The following TMEM45A variants were observed in gnomAD, a reference collection of about 807,000 sequenced individuals.
TMEM45A encodes transmembrane protein 45A, also known as DNA polymerase-transactivated protein 4.
Under a neutral mutation model 32.0 loss-of-function variants are expected in TMEM45A, and 25 were observed. The ratio of observed to expected loss-of-function variants is 0.78; its 90% CI spans 0.57 to 1.09. The LOEUF (loss-of-function observed/expected upper bound fraction) is 1.09. Ranked by LOEUF, TMEM45A falls within the 50% of genes least tolerant of loss-of-function variation. The pLI, the probability that TMEM45A is intolerant of heterozygous loss-of-function variation, is 0.00. For missense variants in TMEM45A, 302 were observed against 325.0 expected (o/e 0.93, Z 0.54); for synonymous variants, 122 against 114.8 (o/e 1.06, Z -0.40).
At position 100,553,288 on chromosome 3, in the gene TMEM45A, C is replaced by T. The variant is rs575645222; in HGVS notation, c.-3-1921C>T. 2.7e-3 allele frequency among the ~76,000 whole-genome samples: 414 copies of T among 152,176 alleles called. 1 individual carries two copies. The highest frequency in any genetic ancestry group is 9.5e-3 in the African/African-American group (396 of 41,520). ...ATAATCCAAATTCAAAGCCCCTTCC[C>T]CTAATTTTTAATCCTATTTTTTTAA... On this transcript the variant is annotated intron_variant, in intron 1 of 5. Coordinates refer to ENST00000323523, the MANE Select transcript of TMEM45A (RefSeq NM_018004.3).
At chr3:100,519,741 GT>G in intron 1 of TMEM45A, 1 of 933,064 alleles carries the variant, frequency 1.1e-6, no homozygotes, top group Non-Finnish European at 1.6e-6. Context: ...CTTATTGTGG[GT>G]TGTGGCTGAT....
chr3:100,571,729 C>T (rs1559655709), intron 5 of TMEM45A: 1 of 152,068 alleles, frequency 6.6e-6, no homozygotes, highest in Non-Finnish European at 1.5e-5. Context: ...AGGTATATCT[C>T]CTAATGCTAT....
intron 1 of TMEM45A, among the ~76,000 whole-genome samples, chr3:100,548,752 A>G (rs1706030301): frequency 6.6e-6 from 1 of 152,190 alleles, no homozygotes. Context: ...GGCTGTGTCT[A>G]TTCTGCAGTG....
At chr3:100,522,544 G>T (rs1195948288) in intron 1 of TMEM45A, among the ~76,000 whole-genome samples, 1 of 152,124 alleles carries the variant, frequency 6.6e-6, no homozygotes, top group Non-Finnish European at 1.5e-5. Context: ...TCTGGTGCTG[G>T]CCTATAGTCT....
intron 1 of TMEM45A, among the ~76,000 whole-genome samples, chr3:100,538,047 G>A (rs562964126): frequency 6.6e-6 from 1 of 152,286 alleles, no homozygotes; most frequent in African/African-American, 2.4e-5. Flanking sequence ...AGGGATTCAA[G>A]ATTGCTATAA....
chr3:100,538,506 C>T (rs1314892588), intron 1 of TMEM45A, among the ~76,000 whole-genome samples: 1 of 152,108 alleles, frequency 6.6e-6, no homozygotes, highest in Non-Finnish European at 1.5e-5. Flanking sequence ...GGGAACAACA[C>T]AAAATGTCCC....
At chr3:100,494,051 C>T (rs886324462) in intron 1 of TMEM45A, among the ~76,000 whole-genome samples, 4 of 152,098 alleles carry the variant, frequency 2.6e-5, no homozygotes, top group Non-Finnish European at 4.4e-5. Context: ...TATATTAAAA[C>T]AATAATTCTA....
At chr3:100,504,420 C>T (rs1708052994) in intron 1 of TMEM45A, among the ~76,000 whole-genome samples, 1 of 152,182 alleles carries the variant, frequency 6.6e-6, no homozygotes, top group Non-Finnish European at 1.5e-5. Flanking sequence ...CAAGGGTCTC[C>T]TGACTTTGAT....
intron 1 of TMEM45A, among the ~76,000 whole-genome samples, chr3:100,548,225 A>G (rs9825639): frequency 0.95 from 144,412 of 152,298 alleles, 68,524 homozygotes; most frequent in East Asian, 1. Flanking sequence ...GAATGAACAC[A>G]TCCGGGCTTA....
chr3:100,544,750 A>T (rs895727897), intron 1 of TMEM45A, among the ~76,000 whole-genome samples: 2 of 152,170 alleles, frequency 1.3e-5, no homozygotes, highest in East Asian at 3.8e-4. Flanking sequence ...TCACATGTCA[A>T]TGGGTTATTT....
Position 100,519,504 on chromosome 3 carries a change from C to T in TMEM45A, c.-4+26576C>T, listed in dbSNP as rs1576266572. On this transcript the variant is annotated intron_variant, in intron 1 of 5. Transcript: ENST00000323523. ...CTAAGAAGCAAAGGCTCAATTTTGG[C>T]TGCTTCATTCTTATCTCTTCTGCCA... 7.3e-6 allele frequency: 11 copies of T among 1,514,874 alleles called. No individual in the cohort carries two copies. The East Asian group carries it at 2.7e-4, about 37-fold the overall frequency. 93.8% of individuals were successfully genotyped at this position (1,514,874 alleles called of 1,614,324 possible). A position where few individuals can be genotyped will look rare whatever the true frequency, so the allele number is the denominator to read the frequency against.
chr3:100,557,403 A>G (rs1706243068), intron 3 of TMEM45A, among the ~76,000 whole-genome samples: 1 of 152,194 alleles, frequency 6.6e-6, no homozygotes, highest in East Asian at 1.9e-4. Flanking sequence ...ATACAGTAAT[A>G]CTCTGCCATT....
At chr3:100,575,890 C>A (rs761146818) in intron 5 of TMEM45A, among the ~76,000 whole-genome samples, 1 of 152,200 alleles carries the variant, frequency 6.6e-6, no homozygotes, top group South Asian at 2.1e-4. Context: ...GGGCTTCATG[C>A]ACTTCCTTTA....
At chr3:100,542,241 G>A (rs1705897550) in intron 1 of TMEM45A, among the ~76,000 whole-genome samples, 1 of 152,132 alleles carries the variant, frequency 6.6e-6, no homozygotes, top group Non-Finnish European at 1.5e-5. Context: ...GATTGCTTTG[G>A]GAAGTATGGC....
chr3:100,555,320 A>C lies in TMEM45A; in HGVS notation c.109A>C (p.Thr37Pro). Residue 37 changes from threonine (T) to proline (P), a missense_variant, in exon 2 of 6, where the codon ACC (threonine) becomes CCC (proline). Thr to Pro is a conservative substitution (Grantham distance 38). Coordinates refer to ENST00000323523, the MANE Select transcript of TMEM45A (RefSeq NM_018004.3). The stretch of plus-strand genomic sequence containing the variant: ...GTATATCTGCAAAAAGCAAAAGCGA[A>C]CCTGCTATCTTGGTTCCAAAACATT... ...LKYICKKQKR[T>P]CYLGSKTLFY... The C allele has an allele frequency of 6.2e-7, 1 of 1,614,042 alleles. No individual in the cohort carries two copies.
chr3:100,510,303 C>G (rs57084759), intron 1 of TMEM45A, among the ~76,000 whole-genome samples: 15,889 of 152,182 alleles, frequency 0.1, 2,753 homozygotes, highest in African/African-American at 0.36. Context: ...TCAAGTGGGT[C>G]CCTGACCCCT....
At position 100,511,969 on chromosome 3, in the gene TMEM45A, TA is replaced by T. The variant is rs1224445942; in HGVS notation, c.-4+19044del. On this transcript the variant is annotated intron_variant, in intron 1 of 5. Transcript: ENST00000323523. ...CCCAATACAGGAGCACCCAGATTCA[TA>T]AAGCAAATCCTGAGTGACCTACAAA... is the stretch of plus-strand genomic sequence containing the variant. 9.9e-5 allele frequency among the ~76,000 whole-genome samples: 15 copies of T among 152,138 alleles called. No homozygotes were observed. The South Asian group carries it at 3.1e-3, about 32-fold the overall frequency.
At chr3:100,494,016 A>C (rs941682886) in intron 1 of TMEM45A, among the ~76,000 whole-genome samples, 1 of 152,190 alleles carries the variant, frequency 6.6e-6, no homozygotes, top group African/African-American at 2.4e-5. Flanking sequence ...ACAGATGTGA[A>C]CCACTGCACC....
intron 4 of TMEM45A, among the ~76,000 whole-genome samples, chr3:100,564,608 C>T (rs754107255): frequency 1.3e-4 from 20 of 152,174 alleles, no homozygotes; most frequent in South Asian, 6.2e-4. Flanking sequence ...CTCAGTCTCC[C>T]AAGAGCTGGG....
Sources: allele counts gnomAD v4.1 joint callset (sites outside exome capture counted in the v4.1 genomes callset), GRCh38; gene constraint gnomAD v4.1.1; transcripts MANE v1.5; gene names NCBI Gene and HGNC (gene_info 2026-07-23, HGNC 2026-07-21).